The following AXDND1 variants were observed in gnomAD, a reference collection of about 807,000 sequenced individuals.
AXDND1 encodes the protein axonemal dynein light chain domain-containing protein 1.
In AXDND1, 110 loss-of-function variants were observed where a neutral mutation model predicts 137.5. That is an observed-to-expected ratio of 0.80 (90% CI 0.69 to 0.94). The LOEUF is 0.94. Ranked by LOEUF, AXDND1 falls within the 40% of genes least tolerant of loss-of-function variation. The pLI, the probability that AXDND1 is intolerant of heterozygous loss-of-function variation, is 0.00. For missense variants in AXDND1, 1,191 were observed against 1,169.8 expected (o/e 1.02, Z -0.26); for synonymous variants, 414 against 399.7 (o/e 1.04, Z -0.43).
chr1:179,406,176 CTT>C (rs1652926137), intron 11 of AXDND1, among the ~76,000 whole-genome samples: 1 of 151,700 alleles, frequency 6.6e-6, no homozygotes. Flanking sequence ...CAAAGTTTCT[CTT>C]GTTATTAATT....
intron 11 of AXDND1, among the ~76,000 whole-genome samples, chr1:179,409,985 T>A (rs1225282749): frequency 1.3e-5 from 2 of 152,346 alleles, no homozygotes; most frequent in East Asian, 3.9e-4. Context: ...TTAGGGTCAT[T>A]AATTCTCTTT....
chr1:179,515,149 T>A (rs1436379091), intron 21 of AXDND1, among the ~76,000 whole-genome samples: 4 of 152,218 alleles, frequency 2.6e-5, no homozygotes, highest in African/African-American at 9.6e-5. Flanking sequence ...TTTTGCTTTT[T>A]AAATTTTCAT....
chr1:179,449,640 TA>T (rs1660249882), intron 16 of AXDND1: 1 of 152,080 alleles, frequency 6.6e-6, no homozygotes, highest in Non-Finnish European at 1.5e-5. Context: ...TTCCAATCTA[TA>T]AACATGGATT....
At chr1:179,460,020 C>CCTTCCTTCCTT (rs559356425) in intron 16 of AXDND1, among the ~76,000 whole-genome samples, 1 of 101,334 alleles carries the variant, frequency 9.9e-6, no homozygotes, top group African/African-American at 4.4e-5. Context: ...CTCCTTCCTT[C>CCTTCCTTCCTT]CTTCTTTCAT....
At chr1:179,411,332 A>G (rs1025161220) in intron 12 of AXDND1, 66 bp downstream of exon 12, 8 of 1,514,868 alleles carry the variant, frequency 5.3e-6, no homozygotes, top group Admixed American at 2.3e-5. Flanking sequence ...ACAGTTTTAA[A>G]ATTTGTTTTT....
Position 179,384,061 on chromosome 1 carries a change from C to T in AXDND1, c.741+517C>T, listed in dbSNP as rs568683959. Among the ~76,000 whole-genome samples the T allele has an allele frequency of 1.5e-3, 227 of 152,264 alleles. 2 individuals carry two copies. The highest frequency in any genetic ancestry group is 5.2e-3 in the African/African-American group (218 of 41,574). On this transcript the variant is annotated intron_variant, in intron 8 of 25. Transcript: ENST00000367618. ...TTTTTATTTTCTACTTAAGAAAGAA[C>T]TCTTTTAGTCTTACATAGATAGAGA...
At chr1:179,381,928 G>A (rs1049106874) in intron 6 of AXDND1, among the ~76,000 whole-genome samples, 1 of 133,448 alleles carries the variant, frequency 7.5e-6, no homozygotes, top group African/African-American at 2.8e-5. Flanking sequence ...TTACAGGCAC[G>A]CGCCACCACA....
At chr1:179,476,607 A>C (rs1664662856) in intron 17 of AXDND1, among the ~76,000 whole-genome samples, 1 of 151,978 alleles carries the variant, frequency 6.6e-6, no homozygotes, top group Non-Finnish European at 1.5e-5. Flanking sequence ...TTTTTGGAAC[A>C]CATGTTTGTT....
intron 16 of AXDND1, among the ~76,000 whole-genome samples, chr1:179,457,798 G>GA (rs1661628139): frequency 6.6e-6 from 1 of 151,940 alleles, no homozygotes; most frequent in African/African-American, 2.4e-5. Flanking sequence ...AAAACTTTAA[G>GA]AAAAAAGAGT....
chr1:179,509,296 A>G lies in AXDND1; in HGVS notation c.2389A>G (p.Lys797Glu), dbSNP rs766162152. ...EDLYEVDKLK[K>E]ECYEWINTCS... ...CTTGTAATCTTTTATCTCTTCTCAG[A>G]AAGAATGTTATGAATGGATCAACAC... Residue 797 changes from lysine to glutamate, a missense_variant and splice_region_variant, in exon 21 of 26, where the codon AAA becomes GAA. Transcript: ENST00000367618. 2 of 1,597,684 alleles carry G rather than the reference A, an allele frequency of 1.3e-6. No individual in the cohort carries two copies. The highest frequency in any genetic ancestry group is 1.7e-6 in the Non-Finnish European group (2 of 1,169,628).
At chr1:179,434,559 A>C (rs1657859375) in intron 15 of AXDND1, among the ~76,000 whole-genome samples, 1 of 152,198 alleles carries the variant, frequency 6.6e-6, no homozygotes, top group African/African-American at 2.4e-5. Flanking sequence ...TACACAAATC[A>C]ATAAATGTAA....
At chr1:179,552,152 G>A (rs1363985953) in intron 25 of AXDND1, 6 of 193,690 alleles carry the variant, frequency 3.1e-5, no homozygotes, top group South Asian at 1.1e-4. Context: ...GAGTGGAGCC[G>A]AGTAGCACAG....
chr1:179,519,207 T>C (rs1669828877), intron 21 of AXDND1, among the ~76,000 whole-genome samples: 2 of 152,242 alleles, frequency 1.3e-5, no homozygotes, highest in African/African-American at 4.8e-5. Flanking sequence ...TGTCTGTTCA[T>C]GTCCTTTGCC....
chr1:179,375,637 A>C (rs1668544639), intron 4 of AXDND1, among the ~76,000 whole-genome samples: 1 of 151,888 alleles, frequency 6.6e-6, no homozygotes, highest in East Asian at 1.9e-4. Flanking sequence ...ATATATGTAC[A>C]TGAAGCATTC....
At chr1:179,459,973 CTT>C (rs778586070) in intron 16 of AXDND1, among the ~76,000 whole-genome samples, 1 of 92,918 alleles carries the variant, frequency 1.1e-5, no homozygotes, top group Non-Finnish European at 2.3e-5. Context: ...TTCTTTCTTT[CTT>C]TTTCTTTCTT....
In AXDND1 at chr1:179,432,254, T is replaced by C. The variant is rs765665678; in HGVS notation, c.1488-13T>C. The C allele has an allele frequency of 2.2e-5, 34 of 1,527,734 alleles. No homozygotes were observed. In the East Asian group the frequency reaches 8.0e-4, roughly 36 times the overall value. The allele number at this position is 1,527,734 out of a possible 1,614,324, so 94.6% of individuals were successfully genotyped here. On this transcript the variant is annotated splice_polypyrimidine_tract_variant and intron_variant, in intron 14 of 25. Coordinates refer to ENST00000367618, the MANE Select transcript of AXDND1 (RefSeq NM_144696.6). ...TTCTGAGATGTTTCTCTTTTTTTTT[T>C]TCTTCTTTTCAGTGAAAAAGACATT...
At chr1:179,436,735 T>C (rs1053964004) in intron 15 of AXDND1, among the ~76,000 whole-genome samples, 11 of 151,990 alleles carry the variant, frequency 7.2e-5, no homozygotes, top group Non-Finnish European at 1.6e-4. Flanking sequence ...GACAAATAGC[T>C]AATGCATGCT....
chr1:179,550,652 T>G, intron 25 of AXDND1: 1 of 169,726 alleles, frequency 5.9e-6, no homozygotes, highest in East Asian at 1.5e-4. Context: ...CTATCAGGGT[T>G]AGGTGTGAGG....
At chr1:179,387,736 C>T (rs1387304623) in intron 9 of AXDND1, among the ~76,000 whole-genome samples, 1 of 152,188 alleles carries the variant, frequency 6.6e-6, no homozygotes, top group African/African-American at 2.4e-5. Flanking sequence ...AATACCAAGA[C>T]AAAACTTTTC....
Sources: allele counts gnomAD v4.1 joint callset (sites outside exome capture counted in the v4.1 genomes callset), GRCh38; gene constraint gnomAD v4.1.1; transcripts MANE v1.5; gene names NCBI Gene and HGNC (gene_info 2026-07-23, HGNC 2026-07-21).